The following CALB1 variants were observed in gnomAD, a reference collection of about 807,000 sequenced individuals.
CALB1 encodes the protein calbindin 1.
In CALB1, 16 loss-of-function variants were observed where a neutral mutation model predicts 46.7. The ratio of observed to expected loss-of-function variants is 0.34; its 90% CI spans 0.23 to 0.52. The LOEUF is 0.52. Among genes scored for constraint, CALB1 ranks in the 20% least tolerant of loss-of-function variants. The pLI is 0.95. For missense variants in CALB1, 224 were observed against 300.3 expected (o/e 0.75, Z 1.88); for synonymous variants, 90 against 112.8 (o/e 0.80, Z 1.28).
rs144335653 is a variant in CALB1 at position 90,063,059 on chromosome 8, T to A, written c.600+41A>T. On this transcript the variant is annotated intron_variant, in intron 9 of 10. Transcript: ENST00000265431. The stretch of plus-strand genomic sequence containing the variant: ...TTAAGAGGATCTTATGTTGTGTTCT[T>A]ACTTCAATAAAAAAGAAAGGAAAAA... 517 of 1,432,438 alleles carry A rather than the reference T, an allele frequency of 3.6e-4. No individual in the cohort carries two copies. In the African/African-American group the frequency reaches 6.6e-3, roughly 18 times the overall value. 88.7% of individuals were successfully genotyped at this position (1,432,438 alleles called of 1,614,324 possible). A position where few individuals can be genotyped will look rare whatever the true frequency, so the allele number is the denominator to read the frequency against.
At chr8:90,077,745 A>C (rs2130249791) in intron 3 of CALB1, among the ~76,000 whole-genome samples, 1 of 152,204 alleles carries the variant, frequency 6.6e-6, no homozygotes, top group East Asian at 1.9e-4. Context: ...TCACTGTGAA[A>C]GGATAAGATG....
rs537709363 is a variant in CALB1 at position 90,076,305 on chromosome 8, A to T, written c.231+2068T>A. ...TCCTTTTAATGCAGAAAATGTACAG[A>T]TTATTTATTATTTTAAAAAAGGCAG... On this transcript the variant is annotated intron_variant, in intron 3 of 10. Coordinates refer to ENST00000265431, the MANE Select transcript of CALB1 (RefSeq NM_004929.4). Among the ~76,000 whole-genome samples the T allele has an allele frequency of 1.1e-3, 171 of 152,138 alleles. 1 individual carries two copies. Among genetic ancestry groups the T allele is most frequent in the African/African-American group, 4.0e-3 (165 of 41,562 alleles).
At chr8:90,073,853 A>C (rs907536088) in intron 3 of CALB1, among the ~76,000 whole-genome samples, 1 of 152,206 alleles carries the variant, frequency 6.6e-6, no homozygotes, top group Non-Finnish European at 1.5e-5. Context: ...GCAGGAGATA[A>C]AAACAACAAT....
intron 8 of CALB1, 31 bp downstream of exon 8, chr8:90,063,250 A>G: frequency 6.4e-7 from 1 of 1,565,690 alleles, no homozygotes; most frequent in South Asian, 1.1e-5. Flanking sequence ...TTCAAGGAAA[A>G]TATTATTTAA....
At chr8:90,078,325 G>T in intron 3 of CALB1, 48 bp downstream of exon 3, 1 of 1,192,490 alleles carries the variant, frequency 8.4e-7, no homozygotes, top group South Asian at 1.3e-5. Flanking sequence ...CTTCAAAATT[G>T]AAACTCATTT....
intron 1 of CALB1, chr8:90,082,410 G>GT: frequency 1.6e-6 from 1 of 615,436 alleles, no homozygotes; most frequent in South Asian, 2.0e-5. Flanking sequence ...AAAGTTTAAG[G>GT]TTTTGGGATT....
chr8:90,069,874 C>A (rs773731574), intron 3 of CALB1, among the ~76,000 whole-genome samples: 2 of 152,104 alleles, frequency 1.3e-5, no homozygotes, highest in Non-Finnish European at 2.9e-5. Context: ...AAAGGACATC[C>A]ACTGCTTGAA....
In CALB1 at chr8:90,069,246, G is replaced by T; in HGVS notation, c.232-9C>A. 6.2e-7 allele frequency: 1 copy of T among 1,607,152 alleles called. No homozygotes were observed. The highest frequency in any genetic ancestry group is 2.2e-5 in the East Asian group (1 of 44,830). The stretch of plus-strand genomic sequence containing the variant: ...GGTAATACGTGAGCCAACTGGAAAA[G>T]ATTTAAGAAGAGAGAAACGTGTTGT... On this transcript the variant is annotated splice_polypyrimidine_tract_variant and intron_variant, in intron 3 of 10. Coordinates refer to ENST00000265431, the MANE Select transcript of CALB1 (RefSeq NM_004929.4).
intron 3 of CALB1, among the ~76,000 whole-genome samples, chr8:90,069,632 T>A (rs1335686729): frequency 6.6e-6 from 1 of 152,066 alleles, no homozygotes; most frequent in African/African-American, 2.4e-5. Context: ...AAGGCACATG[T>A]GGGGGCCATA....
At chr8:90,067,011 T>A (rs1339328955) in intron 5 of CALB1, among the ~76,000 whole-genome samples, 1 of 152,046 alleles carries the variant, frequency 6.6e-6, no homozygotes, top group Non-Finnish European at 1.5e-5. Context: ...TTGATAAAAA[T>A]TTTTTACTTC....
chr8:90,071,962 T>A (rs567409704), intron 3 of CALB1, among the ~76,000 whole-genome samples: 2 of 152,326 alleles, frequency 1.3e-5, no homozygotes, highest in Admixed American at 6.5e-5. Flanking sequence ...GTATCTAGCA[T>A]GTTATATGCC....
intron 1 of CALB1, chr8:90,082,406 T>TA (rs1482205661): frequency 1.6e-6 from 1 of 612,244 alleles, no homozygotes; most frequent in African/African-American, 1.9e-5. Flanking sequence ...GACAAAAGTT[T>TA]AAGGTTTTGG....
chr8:90,064,886 C>G (rs1272113313), intron 6 of CALB1, among the ~76,000 whole-genome samples: 3 of 151,820 alleles, frequency 2.0e-5, no homozygotes, highest in African/African-American at 7.2e-5. Flanking sequence ...GTTCCCCCTC[C>G]CCAACCCAGA....
intron 2 of CALB1, among the ~76,000 whole-genome samples, chr8:90,079,472 G>A (rs1283796380): frequency 6.6e-6 from 1 of 151,870 alleles, no homozygotes; most frequent in Admixed American, 6.6e-5. Context: ...AGAAACAATT[G>A]TAAGAAAATG....
rs760215610 is a variant in CALB1 at position 90,060,055 on chromosome 8, A to G, written c.*118T>C. 307 of 676,344 alleles carry G rather than the reference A, an allele frequency of 4.5e-4. No individual in the cohort carries two copies. Among genetic ancestry groups the G allele is most frequent in the Non-Finnish European group, 7.1e-4 (268 of 375,598 alleles). 41.9% of individuals were successfully genotyped at this position (676,344 alleles called of 1,614,324 possible). ...AAAGAATGAGCCACACATCCTGGAT[A>G]ATTATCTATATGCAGTTAAATTTAC... On this transcript the variant is annotated 3_prime_UTR_variant, in exon 11 of 11. Transcript: ENST00000265431.
In CALB1 at chr8:90,069,068, T is replaced by TG; in HGVS notation, c.316-15dup. 6.2e-7 allele frequency: 1 copy of TG among 1,613,030 alleles called. No individual in the cohort carries two copies. Among genetic ancestry groups the TG allele is most frequent in the South Asian group, 1.1e-5 (1 of 90,984 alleles). ...TTTTCTCCATGTCTGTAAGTAATTT[T>TG]GGATAAGGAAAACAAACACATTTTT... On this transcript the variant is annotated splice_polypyrimidine_tract_variant and intron_variant, in intron 4 of 10. Coordinates refer to ENST00000265431, the MANE Select transcript of CALB1 (RefSeq NM_004929.4).
intron 3 of CALB1, among the ~76,000 whole-genome samples, chr8:90,069,542 C>T (rs1814462528): frequency 6.6e-6 from 1 of 152,134 alleles, no homozygotes; most frequent in African/African-American, 2.4e-5. Context: ...GATTCATCCT[C>T]GTGGCTTGAA....
chr8:90,069,497 G>A (rs973842785), intron 3 of CALB1, among the ~76,000 whole-genome samples: 3 of 152,146 alleles, frequency 2.0e-5, no homozygotes, highest in Admixed American at 2.0e-4. Flanking sequence ...GGTAGAACTA[G>A]CGTGGCCACT....
In CALB1 at chr8:90,082,599, TAAAAA is replaced by T; in HGVS notation, c.79+15_79+19del. On this transcript the variant is annotated intron_variant, in intron 1 of 10. Coordinates refer to ENST00000265431, the MANE Select transcript of CALB1 (RefSeq NM_004929.4). ...GCATGGAAACGGGTCTTGAAACAGT[TAAAAA>T]GAGAAGATAATCACCGTCAGCGTCG... 1 of 1,607,324 alleles carries T rather than the reference TAAAAA, an allele frequency of 6.2e-7. No homozygotes were observed. Among genetic ancestry groups the T allele is most frequent in the Non-Finnish European group, 8.5e-7 (1 of 1,173,886 alleles).
Sources: allele counts gnomAD v4.1 joint callset (sites outside exome capture counted in the v4.1 genomes callset), GRCh38; gene constraint gnomAD v4.1.1; transcripts MANE v1.5; gene names NCBI Gene and HGNC (gene_info 2026-07-23, HGNC 2026-07-21).